Variants in RARG observed in about 807,000 individuals in gnomAD.
The protein encoded by RARG is retinoic acid receptor gamma.
In RARG, 17 loss-of-function variants were observed where a neutral mutation model predicts 43.7. The observed-to-expected ratio is 0.39, with a 90% CI of 0.27 to 0.58. The LOEUF is 0.58. Among genes scored for constraint, RARG ranks in the 20% least tolerant of loss-of-function variants. The pLI, the probability that RARG is intolerant of heterozygous loss-of-function variation, is 0.57. For missense variants in RARG, 346 were observed against 598.7 expected, an observed-to-expected ratio of 0.58 and a Z score of 4.40; for synonymous variants, 238 against 236.4, an observed-to-expected ratio of 1.01 and a Z score of -0.06.
chr12:53,214,877 G>GT (rs1942716212), intron 5 of RARG: 1 of 451,368 alleles, frequency 2.2e-6, no homozygotes, highest in African/African-American at 2.0e-5. Context: ...GCTGGGGGAG[G>GT]GGGGGCAGGA....
rs1181057669 is a variant in RARG, at chr12:53,213,750, A to G, written c.814-50T>C. The G allele has an allele frequency of 4.0e-6, 6 of 1,515,220 alleles. No individual in the cohort carries two copies. Among genetic ancestry groups the G allele is most frequent in the South Asian group, 3.5e-5 (3 of 85,716 alleles). The allele number at this position is 1,515,220 out of a possible 1,614,324, so 93.9% of individuals were successfully genotyped here. On this transcript the variant is annotated intron_variant, in intron 7 of 9. Transcript: ENST00000425354. This position sits in a 1 kb window ranked among gnomAD's most constrained non-coding sequence, Gnocchi z 4.7. The stretch of plus-strand genomic sequence containing the variant: ...TTAGTGCTGTTTCTGGGGGATGGGG[A>G]AAAGAGGGAATGAGTGGAAAGTGAG...
rs759187235 is a variant in RARG, at chr12:53,213,737, C to A, written c.814-37G>T. The A allele has an allele frequency of 8.4e-6, 13 of 1,545,926 alleles. No individual in the cohort carries two copies. Among genetic ancestry groups the A allele is most frequent in the Non-Finnish European group, 1.2e-5 (13 of 1,123,274 alleles). ...GGGTGGAGGAGGGTTAGTGCTGTTT[C>A]TGGGGGATGGGGAAAAGAGGGAATG... On this transcript the variant is annotated intron_variant, in intron 7 of 9. Coordinates refer to ENST00000425354, the MANE Select transcript of RARG (RefSeq NM_000966.6). This position sits in a 1 kb window ranked among gnomAD's most constrained non-coding sequence, Gnocchi z 4.7.
Position 53,227,504 on chromosome 12 carries a change from C to T in RARG, c.42G>A (p.Leu14=). The T allele has an allele frequency of 1.2e-6, 2 of 1,603,010 alleles. No homozygotes were observed. The highest frequency in any genetic ancestry group is 1.7e-6 in the Non-Finnish European group (2 of 1,175,416). ...NKERLFAAGA[L]GPGSGYPGAG... ...CCCCTGGGTAGCCAGATCCAGGCCC[C>T]AGGGCACCAGCCGCAAAGAGTCGCT... Residue 14 remains leucine, a synonymous_variant, in exon 3 of 10, where the codon CTG becomes CTA. Transcript: ENST00000425354. This position sits in a 1 kb window ranked among gnomAD's most constrained non-coding sequence, Gnocchi z 4.3.
At chr12:53,216,512 G>A (rs114788019) in intron 3 of RARG, among the ~76,000 whole-genome samples, 1,712 of 152,264 alleles carry the variant, frequency 0.011, 20 homozygotes, top group African/African-American at 0.031. Flanking sequence ...CTGAGGCCAC[G>A]AGAGGGGAAG....
chr12:53,230,946 T>A (rs1468532156), intron 2 of RARG, among the ~76,000 whole-genome samples: 1 of 151,788 alleles, frequency 6.6e-6, no homozygotes, highest in African/African-American at 2.4e-5. Context: ...CACTCCCCTG[T>A]CTTCTCTCTA....
At position 53,227,739 on chromosome 12, in the gene RARG, T is replaced by C; in HGVS notation, c.-142-52A>G. The stretch of plus-strand genomic sequence containing the variant: ...GATGAGAGAATGACCACTCTGAGGT[T>C]CCAAGCCCTGTGACCCTCTCTCAGT... On this transcript the variant is annotated intron_variant, in intron 2 of 9. Coordinates refer to ENST00000425354, the MANE Select transcript of RARG (RefSeq NM_000966.6). This position sits in a 1 kb window ranked among gnomAD's most constrained non-coding sequence, Gnocchi z 4.3. 8.4e-7 allele frequency: 1 copy of C among 1,189,718 alleles called. No individual in the cohort carries two copies. The highest frequency in any genetic ancestry group is 3.2e-5 in the East Asian group (1 of 31,588). 73.7% of individuals were successfully genotyped at this position (1,189,718 alleles called of 1,614,324 possible). A position where few individuals can be genotyped will look rare whatever the true frequency, so the allele number is the denominator to read the frequency against.
intron 3 of RARG, chr12:53,220,174 G>A: frequency 6.5e-7 from 1 of 1,549,084 alleles, no homozygotes; most frequent in Non-Finnish European, 8.7e-7. Flanking sequence ...TCCTCCCCCG[G>A]CGGCGCCCCG....
At position 53,213,798 on chromosome 12, in the gene RARG, C is replaced by G. The variant is rs373796401; in HGVS notation, c.814-98G>C. ...GAGGAGGTTAGGTCCCCAGTGAGTG[C>G]AACCTGAAGCAGGCATGGAGAAGGC... is the stretch of plus-strand genomic sequence containing the variant. On this transcript the variant is annotated intron_variant, in intron 7 of 9. Transcript: ENST00000425354. This position sits in a 1 kb window ranked among gnomAD's most constrained non-coding sequence, Gnocchi z 4.7. 73 of 1,293,212 alleles carry G rather than the reference C, an allele frequency of 5.6e-5. 3 individuals are homozygous for G. The South Asian group carries it at 9.3e-4, about 16-fold the overall frequency. The allele number at this position is 1,293,212 out of a possible 1,614,324, so 80.1% of individuals were successfully genotyped here. A position where few individuals can be genotyped will look rare whatever the true frequency, so the allele number is the denominator to read the frequency against.
At chr12:53,226,892 G>A (rs1030774509) in intron 3 of RARG, among the ~76,000 whole-genome samples, 33 of 152,136 alleles carry the variant, frequency 2.2e-4, no homozygotes, top group African/African-American at 6.8e-4. Context: ...GATTACAGGC[G>A]TTAGCCACTG....
intron 3 of RARG, among the ~76,000 whole-genome samples, chr12:53,222,223 A>AAGAGAG (rs1468466996): frequency 6.3e-5 from 9 of 143,214 alleles, no homozygotes; most frequent in African/African-American, 2.6e-4. Flanking sequence ...AAAAAAAAGA[A>AAGAGAG]AGAAAGAGAG....
At position 53,213,926 on chromosome 12, in the gene RARG, C is replaced by T. The variant is rs185410682; in HGVS notation, c.813+133G>A. ...CAGGTCATAGGGGCAGAGGCTAAGA[C>T]GAAAAGAGAGCTGAGGAGTCCCACA... On this transcript the variant is annotated intron_variant, in intron 7 of 9. Coordinates refer to ENST00000425354, the MANE Select transcript of RARG (RefSeq NM_000966.6). This position sits in a 1 kb window ranked among gnomAD's most constrained non-coding sequence, Gnocchi z 4.7. 1.3e-4 allele frequency: 163 copies of T among 1,210,438 alleles called. No homozygotes were observed. The highest frequency in any genetic ancestry group is 3.9e-4 in the African/African-American group (26 of 65,922). The allele number at this position is 1,210,438 out of a possible 1,614,324, so 75.0% of individuals were successfully genotyped here.
chr12:53,217,582 C>T (rs1488204804), intron 3 of RARG, among the ~76,000 whole-genome samples: 1 of 152,202 alleles, frequency 6.6e-6, no homozygotes, highest in Non-Finnish European at 1.5e-5. Context: ...CACATCCCCA[C>T]CCCCTGAACC....
At chr12:53,212,354 C>T (rs561190768) in intron 9 of RARG, among the ~76,000 whole-genome samples, 25 of 152,322 alleles carry the variant, frequency 1.6e-4, no homozygotes, top group African/African-American at 5.8e-4. Context: ...GTGACTACTG[C>T]AACTGCAGAA....
intron 3 of RARG, among the ~76,000 whole-genome samples, chr12:53,219,376 C>T (rs12368757): frequency 0.04 from 6,084 of 152,314 alleles, 176 homozygotes; most frequent in Non-Finnish European, 0.062. Context: ...CTCTCGAACA[C>T]AGCACTTTCC....
In RARG at chr12:53,227,556, G is replaced by A; in HGVS notation, c.-11C>T. 6.4e-7 allele frequency: 1 copy of A among 1,556,998 alleles called. No individual in the cohort carries two copies. Among genetic ancestry groups the A allele is most frequent in the Non-Finnish European group, 8.7e-7 (1 of 1,151,676 alleles). The stretch of plus-strand genomic sequence containing the variant: ...CTTATTGGTGGCCATGGCAGCTGCG[G>A]TGTGAGAGTCCCCTGGGGTCTGCAG... On this transcript the variant is annotated 5_prime_UTR_variant, in exon 3 of 10. Coordinates refer to ENST00000425354, the MANE Select transcript of RARG (RefSeq NM_000966.6). This position sits in a 1 kb window ranked among gnomAD's most constrained non-coding sequence, Gnocchi z 4.3.
Position 53,213,432 on chromosome 12 carries a change from T to A in RARG, c.1018+64A>T. The A allele has an allele frequency of 6.4e-7, 1 of 1,566,470 alleles. No individual in the cohort carries two copies. Among genetic ancestry groups the A allele is most frequent in the Non-Finnish European group, 8.7e-7 (1 of 1,143,214 alleles). ...TCCTCCACGCCCCCTCCCAGACAGA[T>A]TCCGCATGGAGTGGTGGGAAAGGAG... On this transcript the variant is annotated intron_variant, in intron 8 of 9. Transcript: ENST00000425354. This position sits in a 1 kb window ranked among gnomAD's most constrained non-coding sequence, Gnocchi z 4.7.
chr12:53,214,246 G>T lies in RARG; in HGVS notation c.637-11C>A, dbSNP rs764871005. The T allele has an allele frequency of 3.7e-6, 6 of 1,610,490 alleles. No homozygotes were observed. The highest frequency in any genetic ancestry group is 3.4e-6 in the Non-Finnish European group (4 of 1,176,946). On this transcript the variant is annotated splice_polypyrimidine_tract_variant and intron_variant, in intron 6 of 9. Coordinates refer to ENST00000425354, the MANE Select transcript of RARG (RefSeq NM_000966.6). ...GTCTGCACTGGAGTTCTGCAGAGGG[G>T]AGGGGTAGAAGGTTGGAAGGCAAGC...
chr12:53,224,565 C>T (rs1315028996), intron 3 of RARG, among the ~76,000 whole-genome samples: 1 of 152,112 alleles, frequency 6.6e-6, no homozygotes. Flanking sequence ...AGAGGACACT[C>T]TCTCATCCTT....
Position 53,227,458 on chromosome 12 carries a change from G to A in RARG, c.88C>T (p.Pro30Ser), listed in dbSNP as rs1217057963. ...GGCGGAGACCCCCTGAGTGCCCCTG[G>A]GAAGGCGAAGGGGAAACCTGCCCCT... ...YPGAGFPFAF[P>S]GALRGSPPFE... is the part of the protein sequence containing the mutation. Residue 30 changes from proline to serine, a missense_variant, in exon 3 of 10, where the codon CCA becomes TCA. This residue lies in a region of RARG where 90 missense variants were observed against 93.2 expected (regional missense o/e 0.97). Coordinates refer to ENST00000425354, the MANE Select transcript of RARG (RefSeq NM_000966.6). This position sits in a 1 kb window ranked among gnomAD's most constrained non-coding sequence, Gnocchi z 4.3. The A allele has an allele frequency of 1.1e-5, 18 of 1,610,454 alleles. No individual in the cohort carries two copies. Among genetic ancestry groups the A allele is most frequent in the Non-Finnish European group, 1.5e-5 (18 of 1,178,500 alleles).
Sources: gnomAD v4.1 joint callset for allele counts (sites outside exome capture counted in the v4.1 genomes callset) on GRCh38, gnomAD v4.1.1 for gene constraint, gnomAD v4.1.1 regional missense constraint, Gnocchi (gnomAD v3.1) non-coding constraint, MANE v1.5 for transcripts, NCBI Gene and HGNC (gene_info 2026-07-23, HGNC 2026-07-21) for gene names.